Variants in IFT81 observed in about 807,000 individuals in gnomAD.
IFT81 encodes the protein intraflagellar transport protein 81 homolog.
Under a neutral mutation model 102.6 loss-of-function variants are expected in IFT81, and 72 were observed. The observed-to-expected ratio is 0.70, with a 90% CI of 0.58 to 0.85. IFT81 has a LOEUF of 0.85. Ranked by LOEUF, IFT81 falls within the 40% of genes least tolerant of loss-of-function variation. The pLI, the probability that IFT81 is intolerant of heterozygous loss-of-function variation, is 0.00. For synonymous variants in IFT81, 237 were observed against 242.7 expected (o/e 0.98, Z 0.22); for missense variants, 723 against 787.3 (o/e 0.92, Z 0.98).
chr12:110,184,870 A>G (rs1897454961), intron 12 of IFT81, among the ~76,000 whole-genome samples: 2 of 152,210 alleles, frequency 1.3e-5, no homozygotes, highest in Admixed American at 1.3e-4. Context: ...CGTTGGTGCA[A>G]ACATGATGAT....
At chr12:110,177,321 C>T (rs968865199) in intron 11 of IFT81, among the ~76,000 whole-genome samples, 3 of 152,144 alleles carry the variant, frequency 2.0e-5, no homozygotes, top group Non-Finnish European at 4.4e-5. Context: ...CTCGCTCTGT[C>T]GCTCAGGCTG....
At chr12:110,194,411 GA>G (rs1280736324) in intron 14 of IFT81, among the ~76,000 whole-genome samples, 3 of 151,860 alleles carry the variant, frequency 2.0e-5, no homozygotes, top group Non-Finnish European at 2.9e-5. Context: ...TTATATGTAG[GA>G]AAAAACTGAA....
chr12:110,217,999 C>T (rs749203551), intron 18 of IFT81, 45 bp from the exon 19 acceptor site: 206 of 1,374,620 alleles, frequency 1.5e-4, no homozygotes, highest in Non-Finnish European at 2.0e-4. Flanking sequence ...AGAAATAAAC[C>T]CCTGTAACTG....
At position 110,190,984 on chromosome 12, in the gene IFT81, T is replaced by TGA. The variant is rs1405315468; in HGVS notation, c.1403_1404insGA (p.Ser469AsnfsTer4). 6.2e-6 allele frequency: 10 copies of TGA among 1,609,900 alleles called. No homozygotes were observed. The highest frequency in any genetic ancestry group is 8.5e-6 in the Non-Finnish European group (10 of 1,178,080). ...TACACCCAAGAAGAGCTAGAAAGAGTATCTGCACTGAAGAGTGAAGTTGAT... is the reference window on the plus strand; with the variant it reads ...TACACCCAAGAAGAGCTAGAAAGAGTGAATCTGCACTGAAGAGTGAAGTTGAT... On this transcript the variant is annotated frameshift_variant, in exon 13 of 19. Transcript: ENST00000242591. LOFTEE classifies it high-confidence loss of function.
intron 8 of IFT81, among the ~76,000 whole-genome samples, chr12:110,142,292 C>T (rs1894938249): frequency 1.3e-5 from 2 of 152,176 alleles, no homozygotes; most frequent in Admixed American, 6.6e-5. Context: ...CTCAGCCTCC[C>T]AAGTAGCTGA....
At position 110,189,336 on chromosome 12, in the gene IFT81, T is replaced by TTTTA. The variant is rs552548275; in HGVS notation, c.1339-1560_1339-1557dup. Among the ~76,000 whole-genome samples, 1,035 of 151,756 alleles carry TTTTA rather than the reference T, an allele frequency of 6.8e-3. 18 individuals carry two copies. Among genetic ancestry groups the TTTTA allele is most frequent in the Admixed American group, 0.048 (728 of 15,194 alleles). ...CCTCTAATTCTAGTCCTTTTTAAAATTTTATTTATTTATTTATTTATTTAT... is the reference window on the plus strand; with the variant it reads ...CCTCTAATTCTAGTCCTTTTTAAAATTTTATTTATTTATTTATTTATTTATTTAT... On this transcript the variant is annotated intron_variant, in intron 12 of 18. Coordinates refer to ENST00000242591, the MANE Select transcript of IFT81 (RefSeq NM_014055.4).
chr12:110,133,404 T>C (rs1894291974), intron 5 of IFT81, among the ~76,000 whole-genome samples: 2 of 151,330 alleles, frequency 1.3e-5, no homozygotes, highest in Non-Finnish European at 1.5e-5. Context: ...TGGAGGATCA[T>C]TTGAGCCCAA....
intron 14 of IFT81, among the ~76,000 whole-genome samples, chr12:110,194,902 G>A (rs371083045): frequency 1.2e-3 from 180 of 152,094 alleles, no homozygotes; most frequent in African/African-American, 4.0e-3. Flanking sequence ...GAAATCAACC[G>A]TGACTGATAC....
chr12:110,196,986 C>T (rs1266885935), intron 14 of IFT81, among the ~76,000 whole-genome samples: 1 of 151,948 alleles, frequency 6.6e-6, no homozygotes, highest in African/African-American at 2.4e-5. Context: ...GACTCTTGAG[C>T]CCAGGATTTC....
intron 18 of IFT81, among the ~76,000 whole-genome samples, chr12:110,215,351 A>G (rs1221272309): frequency 6.6e-6 from 1 of 150,672 alleles, no homozygotes; most frequent in African/African-American, 2.4e-5. Flanking sequence ...TTCTATGTGC[A>G]CTTTCACCTT....
chr12:110,142,186 G>C (rs1332147270), intron 8 of IFT81, among the ~76,000 whole-genome samples: 4 of 151,530 alleles, frequency 2.6e-5, no homozygotes, highest in Non-Finnish European at 1.5e-5. Flanking sequence ...TTTTGAGACA[G>C]AGTCTCCCTC....
rs928108566 is a variant in IFT81 at position 110,139,847 on chromosome 12, T to A, written c.781+2987T>A. Among the ~76,000 whole-genome samples, 188 of 118,828 alleles carry A rather than the reference T, an allele frequency of 1.6e-3. 1 individual carries two copies. The highest frequency in any genetic ancestry group is 3.0e-3 in the African/African-American group (76 of 25,112). The allele number at this position is 118,828 out of a possible 152,430, so 78.0% of individuals were successfully genotyped here. ...TAAAATAAAATAAAATAAAATAAAA[T>A]AAATAAAATAAAATAAAATATAAAA... On this transcript the variant is annotated intron_variant, in intron 8 of 18. Coordinates refer to ENST00000242591, the MANE Select transcript of IFT81 (RefSeq NM_014055.4).
chr12:110,185,260 A>G (rs538897270), intron 12 of IFT81, among the ~76,000 whole-genome samples: 3 of 152,026 alleles, frequency 2.0e-5, no homozygotes, highest in Non-Finnish European at 4.4e-5. Context: ...ATCTCAGCTC[A>G]CAGCAACCTC....
intron 12 of IFT81, 36 bp from the exon 13 acceptor site, chr12:110,190,884 G>T: frequency 6.9e-7 from 1 of 1,454,966 alleles, no homozygotes; most frequent in South Asian, 1.6e-5. Flanking sequence ...GCAAGATTTT[G>T]ACATGTTTTG....
rs534982891 is a variant in IFT81, at chr12:110,200,124, C to A, written c.1558-3740C>A. ...TTGAGAGTTCAGTTCAGCTTGGGATCTGAAAGGATGTTGCTCTGTCTTACC... is the reference window on the plus strand; with the variant it reads ...TTGAGAGTTCAGTTCAGCTTGGGATATGAAAGGATGTTGCTCTGTCTTACC... On this transcript the variant is annotated intron_variant, in intron 14 of 18. Coordinates refer to ENST00000242591, the MANE Select transcript of IFT81 (RefSeq NM_014055.4). 7.2e-5 allele frequency among the ~76,000 whole-genome samples: 11 copies of A among 152,282 alleles called. 1 individual carries two copies. The South Asian group carries it at 1.4e-3, about 20-fold the overall frequency.
intron 8 of IFT81, among the ~76,000 whole-genome samples, chr12:110,141,618 G>A (rs868219168): frequency 2.9e-4 from 44 of 152,220 alleles, no homozygotes; most frequent in African/African-American, 1.0e-3. Flanking sequence ...AGTGGCTCAC[G>A]CATGTAATCC....
At chr12:110,154,714 G>C (rs1425256388) in intron 10 of IFT81, among the ~76,000 whole-genome samples, 4 of 151,134 alleles carry the variant, frequency 2.6e-5, no homozygotes, top group Non-Finnish European at 5.9e-5. Flanking sequence ...TTTTATTTCT[G>C]TTGATGATTT....
At chr12:110,127,614 C>G in intron 2 of IFT81, 90 bp downstream of exon 2, 1 of 1,155,460 alleles carries the variant, frequency 8.7e-7, no homozygotes, top group South Asian at 2.0e-5. Flanking sequence ...TATTTAACCT[C>G]TCTGAGCTTT....
rs1870397684 is a variant in IFT81, at chr12:110,218,235, G to A, written c.*9G>A. The A allele has an allele frequency of 9.3e-6, 14 of 1,508,506 alleles. No individual in the cohort carries two copies. Among genetic ancestry groups the A allele is most frequent in the Non-Finnish European group, 1.2e-5 (14 of 1,134,862 alleles). 93.4% of individuals were successfully genotyped at this position (1,508,506 alleles called of 1,614,324 possible). ...ACCGGCTAATACTGTGAATTCTTGT[G>A]TCATCGTTTGGGGTTTTACTTGATA... On this transcript the variant is annotated 3_prime_UTR_variant, in exon 19 of 19. Coordinates refer to ENST00000242591, the MANE Select transcript of IFT81 (RefSeq NM_014055.4).
Sources: gnomAD v4.1 joint callset for allele counts (sites outside exome capture counted in the v4.1 genomes callset) on GRCh38, gnomAD v4.1.1 for gene constraint, MANE v1.5 for transcripts, NCBI Gene and HGNC (gene_info 2026-07-23, HGNC 2026-07-21) for gene names.